CHCHD3: variants seen among roughly 807,000 people sequenced by gnomAD.
CHCHD3 encodes coiled-coil-helix-coiled-coil-helix domain containing 3.
CHCHD3 carries 20 observed loss-of-function variants against 38.2 expected under a neutral mutation model. The observed-to-expected ratio is 0.52, with a 90% CI of 0.37 to 0.76. The LOEUF is 0.76. CHCHD3 is among the 30% of genes least tolerant of loss of function. CHCHD3 has a pLI of 0.00. For synonymous variants in CHCHD3, 82 were observed against 100.0 expected, an observed-to-expected ratio of 0.82 and a Z score of 1.07; for missense variants, 245 against 279.2, an observed-to-expected ratio of 0.88 and a Z score of 0.87.
At position 132,912,901 on chromosome 7, in the gene CHCHD3, G is replaced by T. The variant is rs147710136; in HGVS notation, c.370-27156C>A. On this transcript the variant is annotated intron_variant, in intron 4 of 7. Transcript: ENST00000262570. The stretch of plus-strand genomic sequence containing the variant: ...ACCTCCCACATAAAGATGTTATGAG[G>T]TCAAATGGTTTAATATGTAAAGTGC... Among the ~76,000 whole-genome samples, 199 of 152,294 alleles carry T rather than the reference G, an allele frequency of 1.3e-3. 1 individual carries two copies. Among genetic ancestry groups the T allele is most frequent in the Non-Finnish European group, 1.9e-3 (130 of 68,038 alleles).
intron 3 of CHCHD3, among the ~76,000 whole-genome samples, chr7:132,987,533 A>G (rs1361513155): frequency 6.6e-6 from 1 of 152,228 alleles, no homozygotes; most frequent in Non-Finnish European, 1.5e-5. Flanking sequence ...GATGGACGAC[A>G]TTATGGTGAT....
chr7:132,796,039 A>C (rs1806602901), intron 7 of CHCHD3, among the ~76,000 whole-genome samples: 1 of 151,776 alleles, frequency 6.6e-6, no homozygotes, highest in South Asian at 2.1e-4. Context: ...TTTTTTTTTA[A>C]CCTGGCCCTC....
chr7:132,998,514 T>C (rs1253757189), intron 3 of CHCHD3, among the ~76,000 whole-genome samples: 3 of 152,312 alleles, frequency 2.0e-5, no homozygotes, highest in East Asian at 1.9e-4. Context: ...ACACCACTTA[T>C]CAAATGTCAT....
intron 2 of CHCHD3, among the ~76,000 whole-genome samples, chr7:133,037,766 A>G (rs1280373854): frequency 6.6e-6 from 1 of 152,110 alleles, no homozygotes; most frequent in Non-Finnish European, 1.5e-5. Flanking sequence ...TGAGCCGAGA[A>G]CACGCCACTG....
chr7:132,955,140 G>A (rs1028872296), intron 4 of CHCHD3, among the ~76,000 whole-genome samples: 1 of 144,632 alleles, frequency 6.9e-6, no homozygotes, highest in East Asian at 2.2e-4. Flanking sequence ...CACCAACAAC[G>A]TCAAGGTAGA....
chr7:133,081,756 G>A, intron 1 of CHCHD3, 101 bp downstream of exon 1: 1 of 1,168,870 alleles, frequency 8.6e-7, no homozygotes, highest in Non-Finnish European at 1.2e-6. Flanking sequence ...AATACGCTAG[G>A]GTCCAGGACG....
chr7:133,081,997 C>A lies in CHCHD3; in HGVS notation c.-60G>T. ...GGAACCACGAGCACTTCGGGGCCCC[C>A]GCACCCACACGCGCGTGGAAGGGCC... On this transcript the variant is annotated 5_prime_UTR_variant, in exon 1 of 8. Coordinates refer to ENST00000262570, the MANE Select transcript of CHCHD3 (RefSeq NM_017812.4). The A allele has an allele frequency of 7.2e-7, 1 of 1,394,694 alleles. No individual in the cohort carries two copies. The highest frequency in any genetic ancestry group is 1.4e-5 in the South Asian group (1 of 71,436). The allele number at this position is 1,394,694 out of a possible 1,614,324, so 86.4% of individuals were successfully genotyped here. A position where few individuals can be genotyped will look rare whatever the true frequency, so the allele number is the denominator to read the frequency against.
At chr7:133,064,458 G>A (rs567743849) in intron 2 of CHCHD3, among the ~76,000 whole-genome samples, 1 of 152,166 alleles carries the variant, frequency 6.6e-6, no homozygotes, top group Non-Finnish European at 1.5e-5. Context: ...CTTGTAACTC[G>A]AGTCAAAGGA....
At chr7:132,859,999 C>A (rs574821637) in intron 5 of CHCHD3, among the ~76,000 whole-genome samples, 1 of 152,244 alleles carries the variant, frequency 6.6e-6, no homozygotes, top group South Asian at 2.1e-4. Context: ...GGGCTCGGCT[C>A]GGTGGCTTAC....
intron 5 of CHCHD3, among the ~76,000 whole-genome samples, chr7:132,882,484 T>C (rs1196661654): frequency 2.4e-5 from 1 of 40,858 alleles, no homozygotes; most frequent in African/African-American, 8.5e-5. Flanking sequence ...TATATATATA[T>C]ATATATATAT....
intron 2 of CHCHD3, among the ~76,000 whole-genome samples, chr7:133,068,582 T>A (rs948635217): frequency 1.4e-4 from 22 of 152,210 alleles, no homozygotes; most frequent in African/African-American, 4.8e-4. Flanking sequence ...AGGACTTCTG[T>A]GTGCACAGCA....
At chr7:132,865,078 T>A (rs1808585068) in intron 5 of CHCHD3, among the ~76,000 whole-genome samples, 1 of 152,302 alleles carries the variant, frequency 6.6e-6, no homozygotes, top group South Asian at 2.1e-4. Flanking sequence ...AAATACCTAA[T>A]AAAATTATGC....
At chr7:132,940,813 G>A (rs907633151) in intron 4 of CHCHD3, among the ~76,000 whole-genome samples, 1 of 152,142 alleles carries the variant, frequency 6.6e-6, no homozygotes, top group Admixed American at 6.5e-5. Flanking sequence ...GGCATCAGGT[G>A]GAAAGTACAT....
chr7:133,037,573 G>A (rs1407136274), intron 2 of CHCHD3, among the ~76,000 whole-genome samples: 3 of 152,160 alleles, frequency 2.0e-5, no homozygotes, highest in African/African-American at 7.2e-5. Context: ...AGCACTTTCG[G>A]AGGCTGAGGC....
chr7:132,988,766 T>G (rs908650133), intron 3 of CHCHD3, among the ~76,000 whole-genome samples: 25 of 151,832 alleles, frequency 1.6e-4, no homozygotes, highest in Non-Finnish European at 2.9e-4. Flanking sequence ...AAAAATTTTT[T>G]TATCAGTCAG....
chr7:132,941,377 C>T (rs1299685994), intron 4 of CHCHD3, among the ~76,000 whole-genome samples: 2 of 152,068 alleles, frequency 1.3e-5, no homozygotes, highest in African/African-American at 2.4e-5. Flanking sequence ...CACTGAGGTG[C>T]TCCCTACTTC....
chr7:132,918,411 C>T (rs1048798429), intron 4 of CHCHD3, among the ~76,000 whole-genome samples: 1 of 152,090 alleles, frequency 6.6e-6, no homozygotes, highest in Admixed American at 6.6e-5. Flanking sequence ...TGGCACAGTG[C>T]GTGACACATT....
At chr7:132,809,488 C>T (rs930602318) in intron 6 of CHCHD3, among the ~76,000 whole-genome samples, 1 of 152,116 alleles carries the variant, frequency 6.6e-6, no homozygotes, top group Non-Finnish European at 1.5e-5. Flanking sequence ...CAATCTTTCC[C>T]AGGAGTCAAC....
chr7:132,933,736 C>T (rs1810570192), intron 4 of CHCHD3, among the ~76,000 whole-genome samples: 1 of 152,224 alleles, frequency 6.6e-6, no homozygotes, highest in Admixed American at 6.5e-5. Flanking sequence ...ATTACTCACT[C>T]AGGCACAGGA....
Sources: allele counts gnomAD v4.1 joint callset (sites outside exome capture counted in the v4.1 genomes callset), GRCh38; gene constraint gnomAD v4.1.1; transcripts MANE v1.5; gene names NCBI Gene and HGNC (gene_info 2026-07-23, HGNC 2026-07-21).